Variants in NCOR1 observed in about 807,000 individuals in gnomAD.
NCOR1 encodes the protein protein phosphatase 1, regulatory subunit 109.
A neutral mutation model predicts 288.1 loss-of-function variants in NCOR1; 63 were observed. That is an observed-to-expected ratio of 0.22 (90% confidence interval 0.18 to 0.27). The LOEUF (loss-of-function observed/expected upper bound fraction) is 0.27. Among genes scored for constraint, NCOR1 ranks in the 10% least tolerant of loss-of-function variants. The pLI is 1.00. For synonymous variants in NCOR1, 1,007 were observed against 1,065.9 expected (o/e 0.94, Z 1.08); for missense variants, 2,397 against 3,019.2 (o/e 0.79, Z 4.83).
intron 2 of NCOR1, among the ~76,000 whole-genome samples, chr17:16,189,032 CA>C (rs935824120): frequency 6.8e-6 from 1 of 147,100 alleles, no homozygotes; most frequent in Non-Finnish European, 1.5e-5. Flanking sequence ...CTCAAAAAAA[CA>C]AAAAAAAATA....
intron 42 of NCOR1, chr17:16,044,364 T>G (rs1013584355): frequency 3.2e-5 from 15 of 470,588 alleles, no homozygotes; most frequent in African/African-American, 3.0e-4. Flanking sequence ...CATTTATTAA[T>G]CACAAGAGTG....
chr17:16,156,392 C>A (rs546918323), intron 6 of NCOR1, among the ~76,000 whole-genome samples: 6 of 149,048 alleles, frequency 4.0e-5, no homozygotes, highest in East Asian at 3.9e-4. Flanking sequence ...GCTGAGATTG[C>A]GCCACAGCAC....
intron 3 of NCOR1, among the ~76,000 whole-genome samples, chr17:16,180,760 T>A (rs116216769): frequency 0.031 from 4,752 of 151,684 alleles, 247 homozygotes; most frequent in African/African-American, 0.11. Context: ...AAAAAAAGAA[T>A]AAAACAACAA....
rs1600708213 is a variant in NCOR1, at chr17:16,215,487, G to A, written c.-196C>T. ...GAGTCGGACGCTCACTCCAGCCGCC[G>A]CCGCCGCCGCGGCTGCTGCTTCGCC... On this transcript the variant is annotated 5_prime_UTR_variant, in exon 1 of 46. Transcript: ENST00000268712. 1 of 398,590 alleles carries A rather than the reference G, an allele frequency of 2.5e-6. No homozygotes were observed. Among genetic ancestry groups the A allele is most frequent in the Non-Finnish European group, 4.4e-6 (1 of 226,194 alleles). The allele number at this position is 398,590 out of a possible 1,614,324, so 24.7% of individuals were successfully genotyped here.
Position 16,108,816 on chromosome 17 carries a change from T to A in NCOR1, c.2152A>T (p.Asn718Tyr), listed in dbSNP as rs764566090. ...AQEDEDIEASNEEENPEDSEV... is the reference protein window; with the variant it reads ...AQEDEDIEASYEEENPEDSEV... ...CTGTCTTCTGGATTTTCTTCTTCAT[T>A]GGAGGCTTCAATATCTTCATCCTCC... Residue 718 changes from asparagine to tyrosine, a missense_variant, in exon 19 of 46, where the codon AAT becomes TAT. Coordinates refer to ENST00000268712, the MANE Select transcript of NCOR1 (RefSeq NM_006311.4). 1 of 1,606,102 alleles carries A rather than the reference T, an allele frequency of 6.2e-7. No individual in the cohort carries two copies. Among genetic ancestry groups the A allele is most frequent in the Non-Finnish European group, 8.5e-7 (1 of 1,175,410 alleles).
chr17:16,124,029 C>A (rs2073528629), intron 15 of NCOR1, among the ~76,000 whole-genome samples: 1 of 152,066 alleles, frequency 6.6e-6, no homozygotes, highest in Non-Finnish European at 1.5e-5. Context: ...GTGAGAAGAA[C>A]CACTGGCTAC....
intron 22 of NCOR1, among the ~76,000 whole-genome samples, chr17:16,091,185 A>G (rs1295604656): frequency 6.6e-6 from 1 of 152,252 alleles, no homozygotes; most frequent in African/African-American, 2.4e-5. Context: ...AGGTACCTCC[A>G]TAGTATCTAC....
At chr17:16,200,495 C>CAAAAAAAAA (rs55957034) in intron 1 of NCOR1, among the ~76,000 whole-genome samples, 3 of 60,682 alleles carry the variant, frequency 4.9e-5, no homozygotes, top group Non-Finnish European at 8.4e-5. Context: ...GACTCCATCT[C>CAAAAAAAAA]AAAAAAAAAA....
chr17:16,170,228 A>G (rs1441629654), intron 4 of NCOR1, among the ~76,000 whole-genome samples: 1 of 152,116 alleles, frequency 6.6e-6, no homozygotes, highest in African/African-American at 2.4e-5. Context: ...AAACTCAAAG[A>G]AAATGTGTGG....
intron 2 of NCOR1, 51 bp from the exon 3 acceptor site, chr17:16,186,738 T>C (rs773705184): frequency 1.9e-6 from 3 of 1,565,390 alleles, no homozygotes; most frequent in Non-Finnish European, 1.7e-6. Context: ...CTGAACAACA[T>C]CATGAAATCA....
chr17:16,133,087 G>C (rs971029166), intron 14 of NCOR1, among the ~76,000 whole-genome samples: 1 of 151,888 alleles, frequency 6.6e-6, no homozygotes, highest in African/African-American at 2.4e-5. Flanking sequence ...TTCTACCTCA[G>C]CCTCCAGAAT....
intron 42 of NCOR1, among the ~76,000 whole-genome samples, chr17:16,045,425 T>TA (rs1278762019): frequency 6.6e-6 from 1 of 152,232 alleles, no homozygotes; most frequent in Non-Finnish European, 1.5e-5. Flanking sequence ...AGACTATATC[T>TA]ACACATGCTT....
chr17:16,106,565 A>C (rs2068676632), intron 19 of NCOR1, among the ~76,000 whole-genome samples: 1 of 152,120 alleles, frequency 6.6e-6, no homozygotes, highest in South Asian at 2.1e-4. Flanking sequence ...GTTTTAGGAA[A>C]ACAGATAGAG....
chr17:16,050,918 C>G (rs530535844), intron 40 of NCOR1, among the ~76,000 whole-genome samples: 1 of 152,282 alleles, frequency 6.6e-6, no homozygotes, highest in South Asian at 2.1e-4. Flanking sequence ...ACTGCAGCCT[C>G]AACTTCTGCG....
At position 16,193,239 on chromosome 17, in the gene NCOR1, G is replaced by GT. The variant is rs536605463; in HGVS notation, c.108+1222dup. Reference sequence around the variant, plus strand: ...TAAACTAAACTGCAAAGTTAATTTTGTTTTTTTTAAGATGGGGTTTCACTC... The same window carrying GT: ...TAAACTAAACTGCAAAGTTAATTTTGTTTTTTTTTAAGATGGGGTTTCACTC... On this transcript the variant is annotated intron_variant, in intron 2 of 45. Coordinates refer to ENST00000268712, the MANE Select transcript of NCOR1 (RefSeq NM_006311.4). 3.6e-4 allele frequency among the ~76,000 whole-genome samples: 54 copies of GT among 151,666 alleles called. No homozygotes were observed. The East Asian group carries it at 5.6e-3, about 16-fold the overall frequency.
intron 14 of NCOR1, among the ~76,000 whole-genome samples, chr17:16,134,672 C>A (rs1214622598): frequency 6.6e-6 from 1 of 152,194 alleles, no homozygotes; most frequent in African/African-American, 2.4e-5. Flanking sequence ...CCCCATAGAA[C>A]TTCCTGCTAG....
intron 34 of NCOR1, among the ~76,000 whole-genome samples, 173 bp from the exon 35 acceptor site, chr17:16,064,360 G>C (rs1027125255): frequency 6.6e-6 from 1 of 152,152 alleles, no homozygotes; most frequent in African/African-American, 2.4e-5. Context: ...AGCACTTCGG[G>C]AGGCCAAGGC....
chr17:16,034,940 T>A lies in NCOR1; in HGVS notation c.6960A>T (p.Gly2320=), dbSNP rs1331700840. The A allele has an allele frequency of 6.2e-7, 1 of 1,613,300 alleles. No individual in the cohort carries two copies. Among genetic ancestry groups the A allele is most frequent in the Non-Finnish European group, 8.5e-7 (1 of 1,179,760 alleles). ...EEGDPSPHSG[G]VCKPKLISKS... ...TGCTGATCAGCTTTGGTTTGCAAAC[T>A]CCTCCTGAAAGTGAAATTCAAGTTA... The change falls in exon 45 of 46, where the codon GGA becomes GGT. Residue 2320 remains glycine, a synonymous_variant. Transcript: ENST00000268712.
chr17:16,131,674 A>G (rs1179466167), intron 14 of NCOR1, among the ~76,000 whole-genome samples: 3 of 152,248 alleles, frequency 2.0e-5, no homozygotes, highest in African/African-American at 4.8e-5. Context: ...TAAACAGACA[A>G]TATCTTAAGC....
Sources: allele counts gnomAD v4.1 joint callset (sites outside exome capture counted in the v4.1 genomes callset), GRCh38; gene constraint gnomAD v4.1.1; transcripts MANE v1.5; gene names NCBI Gene and HGNC (gene_info 2026-07-23, HGNC 2026-07-21).